The following RO60 variants were observed in gnomAD, a reference collection of about 807,000 sequenced individuals.
RO60 encodes the protein RNA-binding protein RO60.
RO60 carries 20 observed loss-of-function variants against 55.3 expected under a neutral mutation model. The ratio of observed to expected loss-of-function variants is 0.36; its 90% confidence interval spans 0.25 to 0.53. The LOEUF (loss-of-function observed/expected upper bound fraction) is 0.53. Among genes scored for constraint, RO60 ranks in the 20% least tolerant of loss-of-function variants. The probability of loss-of-function intolerance (pLI) is 0.92; values close to 1 mark genes in which losing one functional copy is unlikely to be tolerated. For missense variants in RO60, 558 were observed against 646.6 expected, an observed-to-expected ratio of 0.86 and a Z score of 1.49; for synonymous variants, 213 against 213.6, an observed-to-expected ratio of 1.00 and a Z score of 0.02.
intron 2 of RO60, among the ~76,000 whole-genome samples, chr1:193,071,777 T>C (rs1673524648): frequency 6.7e-6 from 1 of 148,422 alleles, no homozygotes; most frequent in Non-Finnish European, 1.5e-5. Flanking sequence ...ATATATAATA[T>C]ATAATGTTAG....
chr1:193,059,948 A>T lies in RO60; in HGVS notation c.-22+172A>T. 7.3e-7 allele frequency: 1 copy of T among 1,366,436 alleles called. No individual in the cohort carries two copies. The highest frequency in any genetic ancestry group is 9.8e-7 in the Non-Finnish European group (1 of 1,021,818). 84.6% of individuals were successfully genotyped at this position (1,366,436 alleles called of 1,614,324 possible). ...CTTCCGCGCCTGTCCACCCTGGGTA[A>T]CGGAACCAGCATCGCGGTAGGGACA... On this transcript the variant is annotated intron_variant, in intron 1 of 8. Transcript: ENST00000400968. The surrounding 1 kb of genome is among the most constrained non-coding windows in gnomAD (Gnocchi z 4.9).
At position 193,069,478 on chromosome 1, in the gene RO60, G is replaced by T. The variant is rs1673334458; in HGVS notation, c.424G>T (p.Gly142Cys). ...AGATCTGAAGGAAAGCATGAAATGT[G>T]GCATGTGGGGTCGTGCCCTCCGGAA... ...KKDLKESMKCGMWGRALRKAI... is the reference protein window; with the variant it reads ...KKDLKESMKCCMWGRALRKAI... The change falls in exon 2 of 9, where the codon GGC (glycine) becomes TGC (cysteine). Residue 142 changes from glycine (G) to cysteine (C), a missense_variant. By Grantham distance (159) the Gly-to-Cys change is radical. Transcript: ENST00000400968. 6.2e-7 allele frequency: 1 copy of T among 1,614,088 alleles called. No homozygotes were observed. The highest frequency in any genetic ancestry group is 1.7e-5 in the Admixed American group (1 of 60,012).
Position 193,081,491 on chromosome 1 carries a change from C to T in RO60, c.1203+11C>T. The T allele has an allele frequency of 6.6e-7, 1 of 1,516,144 alleles. No individual in the cohort carries two copies. Among genetic ancestry groups the T allele is most frequent in the Non-Finnish European group, 9.1e-7 (1 of 1,095,822 alleles). 93.9% of individuals were successfully genotyped at this position (1,516,144 alleles called of 1,614,324 possible). ...GCAGCAATGTGCATGGTGAGAACAC[C>T]TAAGACAATTTTGCCATTCTAAAAA... is the stretch of plus-strand genomic sequence containing the variant. On this transcript the variant is annotated intron_variant, in intron 6 of 8. Transcript: ENST00000400968.
At chr1:193,068,881 A>G (rs1572068857) in intron 1 of RO60, 153 bp from the exon 2 acceptor site, 1 of 537,832 alleles carries the variant, frequency 1.9e-6, no homozygotes, top group Non-Finnish European at 3.2e-6. Flanking sequence ...CAGGACATTT[A>G]TATTGATTTT....
intron 2 of RO60, among the ~76,000 whole-genome samples, chr1:193,071,692 C>T (rs1673513921): frequency 6.6e-6 from 1 of 150,542 alleles, no homozygotes; most frequent in African/African-American, 2.4e-5. Context: ...TTTGAATTTA[C>T]ATTTTTGGGC....
intron 8 of RO60, among the ~76,000 whole-genome samples, 156 bp from the exon 9 acceptor site, chr1:193,084,423 T>G (rs1674524139): frequency 6.6e-6 from 1 of 152,158 alleles, no homozygotes; most frequent in African/African-American, 2.4e-5. Context: ...CTTCTAAAAC[T>G]CCCATATTCT....
chr1:193,076,477 T>A (rs1673926760), intron 3 of RO60, 24 bp from the exon 4 acceptor site: 1 of 1,604,244 alleles, frequency 6.2e-7, no homozygotes, highest in Non-Finnish European at 8.5e-7. Context: ...ATTCCTGGTA[T>A]TTCTGCCTAT....
chr1:193,064,420 C>T (rs573698605), intron 1 of RO60, among the ~76,000 whole-genome samples: 24 of 152,294 alleles, frequency 1.6e-4, no homozygotes, highest in African/African-American at 5.8e-4. Context: ...AAACTTTCTG[C>T]TGGGTATTAT....
chr1:193,084,897 G>A lies in RO60; in HGVS notation c.*166G>A. On this transcript the variant is annotated 3_prime_UTR_variant, in exon 9 of 9. Transcript: ENST00000400968. Reference sequence around the variant, plus strand: ...AAAAAAAGAAGGAAAAATAAGATGGGCCCAAAGGTCTATCTACTAAACTAG... The same window carrying A: ...AAAAAAAGAAGGAAAAATAAGATGGACCCAAAGGTCTATCTACTAAACTAG... The A allele has an allele frequency of 2.7e-6, 4 of 1,483,868 alleles. No individual in the cohort carries two copies. Among genetic ancestry groups the A allele is most frequent in the Non-Finnish European group, 3.6e-6 (4 of 1,123,060 alleles). The allele number at this position is 1,483,868 out of a possible 1,614,324, so 91.9% of individuals were successfully genotyped here.
chr1:193,085,280 T>C lies in RO60; in HGVS notation c.*549T>C, dbSNP rs1674575656. On this transcript the variant is annotated 3_prime_UTR_variant, in exon 9 of 9. Coordinates refer to ENST00000400968, the MANE Select transcript of RO60 (RefSeq NM_001173524.2). The stretch of plus-strand genomic sequence containing the variant: ...AGTTTTACAAATTCCTTTCAGAGTT[T>C]TACTAAGATCACACAAATAACAGCT... The C allele has an allele frequency of 2.7e-6, 3 of 1,098,070 alleles. No homozygotes were observed. Among genetic ancestry groups the C allele is most frequent in the Non-Finnish European group, 2.2e-6 (2 of 900,826 alleles). The allele number at this position is 1,098,070 out of a possible 1,614,324, so 68.0% of individuals were successfully genotyped here. A position where few individuals can be genotyped will look rare whatever the true frequency, so the allele number is the denominator to read the frequency against.
At chr1:193,079,367 G>T (rs911936252) in intron 5 of RO60, among the ~76,000 whole-genome samples, 1 of 152,174 alleles carries the variant, frequency 6.6e-6, no homozygotes, top group East Asian at 1.9e-4. Flanking sequence ...GGGATTACAG[G>T]CGTGAACCAC....
At chr1:193,079,946 G>A (rs1674186727) in intron 5 of RO60, among the ~76,000 whole-genome samples, 1 of 150,198 alleles carries the variant, frequency 6.7e-6, no homozygotes, top group Admixed American at 6.6e-5. Flanking sequence ...GGCCAACATG[G>A]TGATACCCCG....
At position 193,082,390 on chromosome 1, in the gene RO60, T is replaced by C. The variant is rs1674373728; in HGVS notation, c.1317+91T>C. The stretch of plus-strand genomic sequence containing the variant: ...TGATGTCATGTATGGTATTAATCTG[T>C]GAGAACAAAATTTTTTTTGTCTTAA... On this transcript the variant is annotated intron_variant, in intron 7 of 8. Coordinates refer to ENST00000400968, the MANE Select transcript of RO60 (RefSeq NM_001173524.2). 5 of 1,350,500 alleles carry C rather than the reference T, an allele frequency of 3.7e-6. No individual in the cohort carries two copies. The East Asian group carries it at 1.2e-4, about 31-fold the overall frequency. 83.7% of individuals were successfully genotyped at this position (1,350,500 alleles called of 1,614,324 possible).
rs1246834773 is a variant in RO60, at chr1:193,086,401, C to G, written c.*1670C>G. On this transcript the variant is annotated 3_prime_UTR_variant, in exon 9 of 9. Coordinates refer to ENST00000400968, the MANE Select transcript of RO60 (RefSeq NM_001173524.2). ...TATTTTTGTTCAGCAAAGCTCATAG[C>G]ACCCTCACCCCCACTCCAGACATGC... 2 of 152,108 alleles carry G rather than the reference C, an allele frequency of 1.3e-5. No individual in the cohort carries two copies. Among genetic ancestry groups the G allele is most frequent in the African/African-American group, 4.8e-5 (2 of 41,424 alleles). 9.4% of individuals were successfully genotyped at this position (152,108 alleles called of 1,614,324 possible).
rs541205520 is a variant in RO60 at position 193,065,218 on chromosome 1, C to T, written c.-21-3816C>T. ...GGCTTTAAGTATGTATTGCTAATTA[C>T]ATAAAAGCAATACAAAAGAGGAGAC... On this transcript the variant is annotated intron_variant, in intron 1 of 8. Transcript: ENST00000400968. 2.0e-5 allele frequency among the ~76,000 whole-genome samples: 3 copies of T among 152,162 alleles called. No individual in the cohort carries two copies. In the South Asian group the frequency reaches 6.2e-4, roughly 32 times the overall value.
At chr1:193,067,885 A>G (rs913178942) in intron 1 of RO60, among the ~76,000 whole-genome samples, 3 of 152,304 alleles carry the variant, frequency 2.0e-5, no homozygotes, top group Admixed American at 6.5e-5. Context: ...GTGTATAAGC[A>G]GGGCAGTTTC....
intron 3 of RO60, 54 bp from the exon 4 acceptor site, chr1:193,076,447 T>C (rs1673924810): frequency 6.4e-6 from 10 of 1,574,520 alleles, no homozygotes; most frequent in African/African-American, 4.1e-5. Flanking sequence ...AGGTATGTTA[T>C]ACTGATTTAT....
intron 2 of RO60, 61 bp from the exon 3 acceptor site, chr1:193,075,759 C>T (rs1673866485): frequency 1.6e-6 from 2 of 1,252,154 alleles, no homozygotes; most frequent in East Asian, 4.7e-5. Flanking sequence ...TTTGAGGAAA[C>T]ATGTTCTGTT....
rs1244459480 is a variant in RO60 at position 193,085,909 on chromosome 1, C to T, written c.*1178C>T. The T allele has an allele frequency of 1.0e-6, 1 of 984,952 alleles. No individual in the cohort carries two copies. The highest frequency in any genetic ancestry group is 6.2e-5 in the Admixed American group (1 of 16,238). 61.0% of individuals were successfully genotyped at this position (984,952 alleles called of 1,614,324 possible). A position where few individuals can be genotyped will look rare whatever the true frequency, so the allele number is the denominator to read the frequency against. On this transcript the variant is annotated 3_prime_UTR_variant, in exon 9 of 9. Coordinates refer to ENST00000400968, the MANE Select transcript of RO60 (RefSeq NM_001173524.2). ...TTTGTATGTATTAAACTTTTCATTA[C>T]ACTAAAGTGCATTATTTTATTGAGC...
Sources: gnomAD v4.1 joint callset for allele counts (sites outside exome capture counted in the v4.1 genomes callset) on GRCh38, gnomAD v4.1.1 for gene constraint, Gnocchi (gnomAD v3.1) non-coding constraint, MANE v1.5 for transcripts, NCBI Gene and HGNC (gene_info 2026-07-23, HGNC 2026-07-21) for gene names.